Variants in CASD1 observed in about 807,000 individuals in gnomAD.
The protein encoded by CASD1 is N-acetylneuraminate (7)9-O-acetyltransferase.
Under a neutral mutation model 100.0 loss-of-function variants are expected in CASD1, and 41 were observed. The ratio of observed to expected loss-of-function variants is 0.41; its 90% CI spans 0.32 to 0.53. The LOEUF (loss-of-function observed/expected upper bound fraction) is 0.53, where lower values mean the gene tolerates loss of function less well. Ranked by LOEUF, CASD1 falls within the 20% of genes least tolerant of loss-of-function variation. The probability of loss-of-function intolerance (pLI) is 0.25; values close to 1 mark genes in which losing one functional copy is unlikely to be tolerated. For synonymous variants in CASD1, 321 were observed against 315.6 expected (o/e 1.02, Z -0.18); for missense variants, 774 against 948.7 (o/e 0.82, Z 2.42).
At chr7:94,549,766 C>A (rs1795855142) in intron 14 of CASD1, 132 bp downstream of exon 14, 1 of 595,272 alleles carries the variant, frequency 1.7e-6, no homozygotes, top group Non-Finnish European at 2.9e-6. Flanking sequence ...AGCAGTCCAG[C>A]AGTCCACTAC....
chr7:94,516,951 T>C (rs1208667178), intron 1 of CASD1, among the ~76,000 whole-genome samples: 3 of 151,972 alleles, frequency 2.0e-5, no homozygotes, highest in Non-Finnish European at 4.4e-5. Context: ...TCACCCAGGC[T>C]GGAGTGCAGT....
chr7:94,515,287 T>A (rs912439054), intron 1 of CASD1, among the ~76,000 whole-genome samples: 3 of 152,164 alleles, frequency 2.0e-5, no homozygotes, highest in African/African-American at 7.2e-5. Flanking sequence ...ATGAAATATG[T>A]TAAGTCATCA....
intron 11 of CASD1, among the ~76,000 whole-genome samples, chr7:94,544,889 TA>T (rs1467564854): frequency 6.6e-6 from 1 of 152,130 alleles, no homozygotes; most frequent in African/African-American, 2.4e-5. Flanking sequence ...AAGCAGTTTC[TA>T]AACATTATTT....
intron 11 of CASD1, 64 bp downstream of exon 11, chr7:94,544,594 T>C: frequency 6.5e-7 from 1 of 1,532,452 alleles, no homozygotes; most frequent in Non-Finnish European, 8.8e-7. Context: ...AAGCATTAAC[T>C]TGAGAAAAAA....
At chr7:94,610,513 A>G in the CASD1 span, among the ~76,000 whole-genome samples, 1 of 152,194 alleles carries the variant, frequency 6.6e-6, no homozygotes, top group African/African-American at 2.4e-5. Context: ...AAAATAGTAT[A>G]CGCACAAAAA....
the CASD1 span, chr7:94,623,653 A>G: frequency 4.1e-6 from 2 of 485,352 alleles, no homozygotes. Flanking sequence ...ATAGAAGGCC[A>G]TTAAGCACTG....
intron 1 of CASD1, among the ~76,000 whole-genome samples, chr7:94,512,876 A>C (rs1793784573): frequency 6.6e-6 from 1 of 152,226 alleles, no homozygotes; most frequent in Admixed American, 6.5e-5. Context: ...ATGACAGATT[A>C]AATTGCCTAA....
the CASD1 span, chr7:94,587,932 G>A: frequency 9.8e-6 from 14 of 1,428,330 alleles, no homozygotes; most frequent in East Asian, 1.1e-4. Context: ...CCACAATGCC[G>A]CTATTCATAC....
At chr7:94,562,634 T>C in the CASD1 span, among the ~76,000 whole-genome samples, 1 of 152,130 alleles carries the variant, frequency 6.6e-6, no homozygotes, top group Non-Finnish European at 1.5e-5. Context: ...TCCTTTTTTT[T>C]TTCTTTGAGA....
At chr7:94,615,589 C>G in the CASD1 span, among the ~76,000 whole-genome samples, 1 of 152,060 alleles carries the variant, frequency 6.6e-6, no homozygotes, top group Non-Finnish European at 1.5e-5. Context: ...CAGCAAAAAG[C>G]AGACAATCAG....
downstream of CASD1, among the ~76,000 whole-genome samples, chr7:94,559,714 C>T (rs1256781017): frequency 6.6e-6 from 1 of 151,880 alleles, no homozygotes; most frequent in South Asian, 2.1e-4. Context: ...TTAGTAGAGA[C>T]GGGGTTTCAC....
Position 94,509,896 on chromosome 7 carries a change from G to A in CASD1, c.-189G>A, listed in dbSNP as rs912239884. 6 of 1,078,818 alleles carry A rather than the reference G, an allele frequency of 5.6e-6. No individual in the cohort carries two copies. The highest frequency in any genetic ancestry group is 6.7e-6 in the Non-Finnish European group (6 of 889,560). 66.8% of individuals were successfully genotyped at this position (1,078,818 alleles called of 1,614,324 possible). ...GGAGGCCGCCGAGTCGGCCGCGGCC[G>A]AGGAGGGGCAGGCGGAGGTCGGGGG... On this transcript the variant is annotated 5_prime_UTR_variant, in exon 1 of 18. Transcript: ENST00000297273.
chr7:94,608,861 A>C, the CASD1 span, among the ~76,000 whole-genome samples: 3 of 152,220 alleles, frequency 2.0e-5, no homozygotes, highest in Admixed American at 6.5e-5. Flanking sequence ...AAAAAACTAG[A>C]CTTATACATG....
At chr7:94,572,150 T>G in the CASD1 span, among the ~76,000 whole-genome samples, 1 of 152,086 alleles carries the variant, frequency 6.6e-6, no homozygotes, top group Non-Finnish European at 1.5e-5. Flanking sequence ...GTCTCAGGGT[T>G]GATCTTCTCC....
chr7:94,563,387 TTGG>T, the CASD1 span, among the ~76,000 whole-genome samples: 1 of 152,180 alleles, frequency 6.6e-6, no homozygotes, highest in Non-Finnish European at 1.5e-5. Context: ...AAACAATTTT[TTGG>T]TGGTTTGGTC....
At chr7:94,618,995 A>G in the CASD1 span, 2 of 1,363,782 alleles carry the variant, frequency 1.5e-6, no homozygotes, top group Non-Finnish European at 2.1e-6. Flanking sequence ...TCTTTAATGA[A>G]GTAGTCTTTT....
the CASD1 span, among the ~76,000 whole-genome samples, chr7:94,607,000 C>T: frequency 6.6e-6 from 1 of 151,728 alleles, no homozygotes; most frequent in Admixed American, 6.6e-5. Context: ...TGAATGCATA[C>T]ATTAGAAAAG....
chr7:94,628,351 T>C, the CASD1 span: 2 of 1,607,802 alleles, frequency 1.2e-6, no homozygotes, highest in Admixed American at 3.3e-5. Context: ...GGATCATTAC[T>C]AATCTCGCCT....
the CASD1 span, among the ~76,000 whole-genome samples, chr7:94,566,435 T>C: frequency 6.6e-6 from 1 of 151,286 alleles, no homozygotes; most frequent in South Asian, 2.1e-4. Flanking sequence ...TCAAAAGAAA[T>C]GCTGCAAACA....
Sources: allele counts gnomAD v4.1 joint callset (sites outside exome capture counted in the v4.1 genomes callset), GRCh38; gene constraint gnomAD v4.1.1; transcripts MANE v1.5; gene names NCBI Gene and HGNC (gene_info 2026-07-23, HGNC 2026-07-21).